ATR: variants seen among roughly 807,000 people sequenced by gnomAD.
The protein encoded by ATR is serine/threonine-protein kinase ATR.
ATR carries 142 observed loss-of-function variants against 305.3 expected under a neutral mutation model. The observed-to-expected ratio is 0.47, with a 90% CI of 0.41 to 0.53. The LOEUF is 0.53. ATR is among the 20% of genes least tolerant of loss of function. ATR has a pLI of 0.00. For missense variants in ATR, 2,135 were observed against 3,133.1 expected, an observed-to-expected ratio of 0.68 and a Z score of 7.60; for synonymous variants, 1,050 against 1,068.1, an observed-to-expected ratio of 0.98 and a Z score of 0.33.
chr3:142,506,943 G>C (rs945151949), intron 28 of ATR, among the ~76,000 whole-genome samples: 1 of 152,134 alleles, frequency 6.6e-6, no homozygotes, highest in Non-Finnish European at 1.5e-5. Flanking sequence ...ACTGAAACCA[G>C]TTATAACACC....
intron 21 of ATR, among the ~76,000 whole-genome samples, chr3:142,524,492 TAAC>T (rs1161491527): frequency 6.6e-6 from 1 of 152,176 alleles, no homozygotes; most frequent in Non-Finnish European, 1.5e-5. Context: ...AAACAAGTCT[TAAC>T]AAGTTCACAG....
Position 142,512,668 on chromosome 3 carries a change from C to T in ATR, c.4642-198G>A, listed in dbSNP as rs139804082. 3.4e-3 allele frequency among the ~76,000 whole-genome samples: 521 copies of T among 152,194 alleles called. 1 individual carries two copies. The highest frequency in any genetic ancestry group is 0.012 in the African/African-American group (504 of 41,540). On this transcript the variant is annotated intron_variant, in intron 26 of 46. Transcript: ENST00000350721. ...CTGAGGTCAAGACCAGCCTGGTCAA[C>T]ATGGTGAAACCCTGTCTATACTAAA...
Position 142,562,963 on chromosome 3 carries a change from T to C in ATR, c.439A>G (p.Lys147Glu). 6.2e-7 allele frequency: 1 copy of C among 1,611,302 alleles called. No individual in the cohort carries two copies. The change falls in exon 4 of 47, where the codon AAA becomes GAA. Residue 147 changes from lysine to glutamate, a missense_variant. Lys to Glu is a moderately conservative substitution (Grantham distance 56). This residue lies in a region of ATR where 744 missense variants were observed against 873.2 expected (regional missense o/e 0.85). Transcript: ENST00000350721. ...KSPAIFGVLT[K>E]ELLQLFEDLV... ...TCTTCAAAAAGTTGTAATAATTCTT[T>C]TGTGAGTACCCCAAAAATAGCAGGA...
intron 37 of ATR, 123 bp downstream of exon 37, chr3:142,469,963 C>G: frequency 1.3e-6 from 1 of 759,956 alleles, no homozygotes. Flanking sequence ...CTCACACTTA[C>G]ATAATATCTT....
chr3:142,496,278 C>CATTATATATATATACATATATA lies in ATR; in HGVS notation c.5898+82_5898+83insTATATATGTATATATATATAAT, dbSNP rs1553758609. On this transcript the variant is annotated intron_variant, in intron 34 of 46. Coordinates refer to ENST00000350721, the MANE Select transcript of ATR (RefSeq NM_001184.4). ...TTTTAAGGAAGTACATAATTCCCGA[C>CATTATATATATATACATATATA]TATATATATATATATATATATATAT... The CATTATATATATATACATATATA allele has an allele frequency of 3.5e-5, 4 of 113,698 alleles. 2 individuals are homozygous for CATTATATATATATACATATATA. Among genetic ancestry groups the CATTATATATATATACATATATA allele is most frequent in the African/African-American group, 2.1e-4 (4 of 19,018 alleles). The allele number at this position is 113,698 out of a possible 1,614,324, so 7.0% of individuals were successfully genotyped here. A position where few individuals can be genotyped will look rare whatever the true frequency, so the allele number is the denominator to read the frequency against.
Position 142,469,434 on chromosome 3 carries a change from GA to G in ATR, c.6454del (p.Ser2152LeufsTer9), listed in dbSNP as rs1202448264. ...FSQLISRICH[S>X]HDEVFVVLME... is the part of the protein sequence containing the mutation. ...CAAGACAACAAAAACTTCATCGTGA[GA>G]ATGACAAATTCGAGAGATCAATTGT... is the stretch of plus-strand genomic sequence containing the variant. On this transcript the variant is annotated frameshift_variant, in exon 38 of 47. Transcript: ENST00000350721. LOFTEE classifies it high-confidence loss of function. 1 of 1,613,934 alleles carries G rather than the reference GA, an allele frequency of 6.2e-7. No individual in the cohort carries two copies. The highest frequency in any genetic ancestry group is 1.7e-5 in the Admixed American group (1 of 59,996).
chr3:142,506,636 G>A lies in ATR; in HGVS notation c.5031+1295C>T, dbSNP rs889163950. Among the ~76,000 whole-genome samples the A allele has an allele frequency of 8.5e-4, 129 of 152,116 alleles. 1 individual carries two copies. The highest frequency in any genetic ancestry group is 2.8e-3 in the African/African-American group (118 of 41,420). On this transcript the variant is annotated intron_variant, in intron 28 of 46. Coordinates refer to ENST00000350721, the MANE Select transcript of ATR (RefSeq NM_001184.4). The stretch of plus-strand genomic sequence containing the variant: ...TGGGAGGTGGAGGTTGCAGTGAGCC[G>A]AGCTCGTGCCACTGTACTCCAGCCT...
intron 8 of ATR, among the ~76,000 whole-genome samples, chr3:142,557,987 T>C (rs1008690662): frequency 2.0e-5 from 3 of 152,198 alleles, no homozygotes; most frequent in Non-Finnish European, 2.9e-5. Context: ...TGGTATATTG[T>C]TCTTCTTTTT....
At chr3:142,513,443 T>G (rs1277129886) in intron 26 of ATR, 58 bp downstream of exon 26, 11 of 1,577,220 alleles carry the variant, frequency 7.0e-6, no homozygotes, top group African/African-American at 1.4e-5. Context: ...TAATACTAAT[T>G]ACATTGGAGA....
rs2108485443 is a variant in ATR at position 142,561,419 on chromosome 3, G to A, written c.1173C>T (p.Tyr391=). 2 of 1,612,780 alleles carry A rather than the reference G, an allele frequency of 1.2e-6. No individual in the cohort carries two copies. The highest frequency in any genetic ancestry group is 8.5e-7 in the Non-Finnish European group (1 of 1,179,258). The part of the protein sequence containing the change: ...DVLGIEVDAE[Y]LLGPLYAALK... ...AAGCTGCATAAAGTGGGCCCAACAA[G>A]TACTGAGAAAATAAAAAATAATTTC... Residue 391 remains tyrosine, a splice_region_variant and synonymous_variant, in exon 5 of 47, where the codon TAC becomes TAT. Coordinates refer to ENST00000350721, the MANE Select transcript of ATR (RefSeq NM_001184.4).
chr3:142,515,734 T>G (rs550334574), intron 24 of ATR, among the ~76,000 whole-genome samples: 7 of 152,206 alleles, frequency 4.6e-5, no homozygotes, highest in Non-Finnish European at 8.8e-5. Context: ...CTTCCTCAGA[T>G]CCTTCCAACT....
intron 36 of ATR, among the ~76,000 whole-genome samples, chr3:142,480,098 T>C (rs1257707689): frequency 6.6e-6 from 1 of 152,264 alleles, no homozygotes; most frequent in Non-Finnish European, 1.5e-5. Context: ...GTCAAAGTCA[T>C]TCTCTGTCCA....
At chr3:142,526,795 T>A (rs916771769) in intron 21 of ATR, among the ~76,000 whole-genome samples, 3 of 148,874 alleles carry the variant, frequency 2.0e-5, no homozygotes, top group Non-Finnish European at 4.5e-5. Flanking sequence ...TTGTTTTTGT[T>A]TTTTTTTTTT....
At chr3:142,476,132 C>T (rs2071438367) in intron 36 of ATR, among the ~76,000 whole-genome samples, 1 of 152,136 alleles carries the variant, frequency 6.6e-6, no homozygotes, top group Non-Finnish European at 1.5e-5. Flanking sequence ...GCTTTTGTTG[C>T]CATTGCTTTT....
intron 1 of ATR, among the ~76,000 whole-genome samples, chr3:142,574,322 C>T (rs771929626): frequency 6.6e-6 from 1 of 151,730 alleles, no homozygotes; most frequent in Non-Finnish European, 1.5e-5. Context: ...ATTAGCCAGG[C>T]ATGGTGGCAC....
chr3:142,453,081 G>A (rs1453191204), intron 46 of ATR, 47 bp downstream of exon 46: 14 of 1,612,298 alleles, frequency 8.7e-6, no homozygotes, highest in African/African-American at 1.3e-5. Context: ...AAGTTCATTT[G>A]TAGAGATGAG....
At chr3:142,507,208 G>A (rs2032294365) in intron 28 of ATR, among the ~76,000 whole-genome samples, 1 of 152,114 alleles carries the variant, frequency 6.6e-6, no homozygotes, top group Non-Finnish European at 1.5e-5. Flanking sequence ...CCAATCTTGA[G>A]CTCTTATTTA....
At chr3:142,492,530 T>A (rs1445258998) in intron 35 of ATR, among the ~76,000 whole-genome samples, 1 of 152,216 alleles carries the variant, frequency 6.6e-6, no homozygotes, top group Non-Finnish European at 1.5e-5. Context: ...CTTTATTATT[T>A]CCTTTCTTCT....
At chr3:142,451,663 T>C in intron 46 of ATR, 1 of 1,210,666 alleles carries the variant, frequency 8.3e-7, no homozygotes, top group Non-Finnish European at 1.0e-6. Context: ...CACAGCAGCC[T>C]CCAACTCCTG....
Sources: allele counts gnomAD v4.1 joint callset (sites outside exome capture counted in the v4.1 genomes callset), GRCh38; gene constraint gnomAD v4.1.1; regional missense constraint gnomAD v4.1.1; transcripts MANE v1.5; gene names NCBI Gene and HGNC (gene_info 2026-07-23, HGNC 2026-07-21).